Variants in METAP1 observed in about 807,000 individuals in gnomAD.
The protein encoded by METAP1 is methionine aminopeptidase 1.
Under a neutral mutation model 53.8 loss-of-function variants are expected in METAP1, and 28 were observed. That is an observed-to-expected ratio of 0.52 (90% CI 0.39 to 0.71). The LOEUF (loss-of-function observed/expected upper bound fraction) is 0.71, where lower values mean the gene tolerates loss of function less well. Ranked by LOEUF, METAP1 falls within the 30% of genes least tolerant of loss-of-function variation. The pLI, the probability that METAP1 is intolerant of heterozygous loss-of-function variation, is 0.00. For missense variants in METAP1, 389 were observed against 479.8 expected (o/e 0.81, Z 1.77); for synonymous variants, 181 against 165.7 (o/e 1.09, Z -0.71).
At chr4:99,056,554 TG>T (rs917787388) in intron 9 of METAP1, among the ~76,000 whole-genome samples, 3 of 151,590 alleles carry the variant, frequency 2.0e-5, no homozygotes, top group Admixed American at 6.6e-5. Context: ...TTTTGTTTTT[TG>T]TTTTTTTTGT....
Position 99,062,575 on chromosome 4 carries a change from G to A in METAP1, c.*1258G>A, listed in dbSNP as rs1727615342. The A allele has an allele frequency of 6.6e-6, 1 of 152,642 alleles. No individual in the cohort carries two copies. Among genetic ancestry groups the A allele is most frequent in the Non-Finnish European group, 1.5e-5 (1 of 68,038 alleles). The allele number at this position is 152,642 out of a possible 1,614,324, so 9.5% of individuals were successfully genotyped here. A position where few individuals can be genotyped will look rare whatever the true frequency, so the allele number is the denominator to read the frequency against. On this transcript the variant is annotated 3_prime_UTR_variant, in exon 11 of 11. Transcript: ENST00000296411. ...TTCATACCACTGACACATTATACTT[G>A]TAAGAGAACATCTTTCCCAGAGTGC... is the stretch of plus-strand genomic sequence containing the variant.
intron 1 of METAP1, among the ~76,000 whole-genome samples, chr4:98,998,427 A>G (rs1020792756): frequency 6.6e-6 from 1 of 152,158 alleles, no homozygotes; most frequent in African/African-American, 2.4e-5. Context: ...GGAGGCTGAG[A>G]CACAAGAATC....
rs1472829353 is a variant in METAP1 at position 99,026,897 on chromosome 4, T to A, written c.115-1970T>A. On this transcript the variant is annotated intron_variant, in intron 1 of 10. Transcript: ENST00000296411. ...AGGTGTTTATTATGAATATTTTGGT[T>A]ACTTTATGCTCATATATCTTGAAAT... is the stretch of plus-strand genomic sequence containing the variant. The A allele has an allele frequency of 5.2e-6, 5 of 960,218 alleles. No homozygotes were observed. In the African/African-American group the frequency reaches 8.8e-5, roughly 17 times the overall value. The allele number at this position is 960,218 out of a possible 1,614,324, so 59.5% of individuals were successfully genotyped here.
At chr4:99,035,335 T>G in intron 3 of METAP1, 65 bp from the exon 4 acceptor site, 1 of 1,187,888 alleles carries the variant, frequency 8.4e-7, no homozygotes, top group South Asian at 1.3e-5. Flanking sequence ...TTGAATGGAC[T>G]TCTTTCTCCC....
intron 3 of METAP1, 75 bp from the exon 4 acceptor site, chr4:99,035,325 T>G: frequency 9.5e-7 from 1 of 1,057,284 alleles, no homozygotes; most frequent in South Asian, 1.4e-5. Context: ...CTAAAAACTT[T>G]TGAATGGACT....
At chr4:99,011,666 C>T (rs1044146682) in intron 1 of METAP1, among the ~76,000 whole-genome samples, 2 of 152,086 alleles carry the variant, frequency 1.3e-5, no homozygotes, top group Admixed American at 6.5e-5. Context: ...TTGGGCTGGG[C>T]GTGGTGGCTG....
intron 1 of METAP1, among the ~76,000 whole-genome samples, chr4:98,996,672 C>T (rs866369917): frequency 5.3e-5 from 8 of 152,058 alleles, no homozygotes; most frequent in African/African-American, 1.9e-4. Flanking sequence ...GTAGAGCAAA[C>T]CCAGCGTTGA....
intron 10 of METAP1, among the ~76,000 whole-genome samples, chr4:99,059,469 T>C (rs565419417): frequency 6.6e-6 from 1 of 152,332 alleles, no homozygotes; most frequent in Non-Finnish European, 1.5e-5. Context: ...GGATTTAATA[T>C]TGCAAAAGTA....
intron 9 of METAP1, among the ~76,000 whole-genome samples, chr4:99,055,932 C>T (rs1423563579): frequency 6.6e-6 from 1 of 152,104 alleles, no homozygotes; most frequent in Non-Finnish European, 1.5e-5. Context: ...GTTTGTTTTT[C>T]TTTTCTTCCT....
In METAP1 at chr4:99,036,592, C is replaced by T. The variant is rs145720308; in HGVS notation, c.340+1132C>T. On this transcript the variant is annotated intron_variant, in intron 4 of 10. Transcript: ENST00000296411. Reference sequence around the variant, plus strand: ...GCCATCTATACACAAATGGAAAAAACTATATTTACCTTTTCACCTTGCTGT... The same window carrying T: ...GCCATCTATACACAAATGGAAAAAATTATATTTACCTTTTCACCTTGCTGT... 6.6e-3 allele frequency among the ~76,000 whole-genome samples: 1,005 copies of T among 152,144 alleles called. 16 individuals carry two copies. Among genetic ancestry groups the T allele is most frequent in the Non-Finnish European group, 7.3e-3 (493 of 67,918 alleles).
intron 10 of METAP1, among the ~76,000 whole-genome samples, chr4:99,060,170 C>T (rs977367778): frequency 2.0e-5 from 3 of 151,922 alleles, no homozygotes; most frequent in Non-Finnish European, 4.4e-5. Flanking sequence ...ACATTCATAA[C>T]GTTGTGCACC....
chr4:99,023,162 T>TCATTACTTCTAATGACTG, intron 1 of METAP1: 1 of 655,838 alleles, frequency 1.5e-6, no homozygotes, highest in East Asian at 3.8e-5. Flanking sequence ...CGACCTAATT[T>TCATTACTTCTAATGACTG]CATTACTTCT....
chr4:98,997,171 TAA>T (rs1388533776), intron 1 of METAP1, among the ~76,000 whole-genome samples: 3 of 152,188 alleles, frequency 2.0e-5, no homozygotes, highest in East Asian at 3.8e-4. Flanking sequence ...ATACAAATAA[TAA>T]AAGTGTTTTC....
chr4:99,033,952 T>C (rs377445171), intron 2 of METAP1, among the ~76,000 whole-genome samples: 1 of 152,198 alleles, frequency 6.6e-6, no homozygotes, highest in South Asian at 2.1e-4. Context: ...TTGTTCGATA[T>C]TATGTAAAAA....
chr4:99,000,552 G>C (rs1042584193), intron 1 of METAP1, among the ~76,000 whole-genome samples: 1 of 152,002 alleles, frequency 6.6e-6, no homozygotes, highest in African/African-American at 2.4e-5. Flanking sequence ...AAAAATCTTT[G>C]AGGGGAAATG....
chr4:99,006,609 AGAT>A (rs1723189608), intron 1 of METAP1, among the ~76,000 whole-genome samples: 1 of 152,212 alleles, frequency 6.6e-6, no homozygotes, highest in Admixed American at 6.5e-5. Context: ...ACACCTAAGA[AGAT>A]TAACAAGAAT....
At position 99,031,404 on chromosome 4, in the gene METAP1, A is replaced by G. The variant is rs1579289277; in HGVS notation, c.166+2486A>G. 4 of 1,244,738 alleles carry G rather than the reference A, an allele frequency of 3.2e-6. No individual in the cohort carries two copies. In the African/African-American group the frequency reaches 4.7e-5, roughly 15 times the overall value. The allele number at this position is 1,244,738 out of a possible 1,614,324, so 77.1% of individuals were successfully genotyped here. On this transcript the variant is annotated intron_variant, in intron 2 of 10. Transcript: ENST00000296411. ...ATTTGACAAGTATCTTGAATAGCCA[A>G]AATTAAGGTATAAAAGCCGCATTTA...
chr4:99,029,968 A>G (rs1724880123), intron 2 of METAP1, among the ~76,000 whole-genome samples: 1 of 152,194 alleles, frequency 6.6e-6, no homozygotes, highest in African/African-American at 2.4e-5. Context: ...ACTCAGTGTA[A>G]GTTTATCAAC....
Position 98,995,845 on chromosome 4 carries a change from A to G in METAP1, c.92A>G (p.Gln31Arg). The G allele has an allele frequency of 6.5e-7, 1 of 1,542,644 alleles. No homozygotes were observed. The highest frequency in any genetic ancestry group is 8.8e-7 in the Non-Finnish European group (1 of 1,142,774). Residue 31 changes from glutamine (Q) to arginine (R), a missense_variant, in exon 1 of 11, where the codon CAG becomes CGG. Coordinates refer to ENST00000296411, the MANE Select transcript of METAP1 (RefSeq NM_015143.3). ...CCCACTTGCATCAAGCTGGGCATCCAGGGCTCGTACTTCTGCTCGCAGGTA... is the reference window on the plus strand; with the variant it reads ...CCCACTTGCATCAAGCTGGGCATCCGGGGCTCGTACTTCTGCTCGCAGGTA... ...QCPTCIKLGIQGSYFCSQECF... is the reference protein window; with the variant it reads ...QCPTCIKLGIRGSYFCSQECF...
Sources: allele counts gnomAD v4.1 joint callset (sites outside exome capture counted in the v4.1 genomes callset), GRCh38; gene constraint gnomAD v4.1.1; transcripts MANE v1.5; gene names NCBI Gene and HGNC (gene_info 2026-07-23, HGNC 2026-07-21).